SPECC1: variants seen among roughly 807,000 people sequenced by gnomAD.
SPECC1 encodes the protein cytospin-B.
In SPECC1, 62 loss-of-function variants were observed where a neutral mutation model predicts 104.1. The ratio of observed to expected loss-of-function variants is 0.60; its 90% confidence interval spans 0.49 to 0.74. SPECC1 has a LOEUF of 0.74. Among genes scored for constraint, SPECC1 ranks in the 30% least tolerant of loss-of-function variants. The probability of loss-of-function intolerance (pLI) is 0.00; values close to 1 mark genes in which losing one functional copy is unlikely to be tolerated. For synonymous variants in SPECC1, 513 were observed against 501.6 expected (o/e 1.02, Z -0.30); for missense variants, 1,306 against 1,310.5 (o/e 1.00, Z 0.05).
Position 20,205,819 on chromosome 17 carries a change from G to A in SPECC1, c.1770G>A (p.Glu590=), listed in dbSNP as rs1375002958. 6.2e-7 allele frequency: 1 copy of A among 1,614,090 alleles called. No individual in the cohort carries two copies. Among genetic ancestry groups the A allele is most frequent in the African/African-American group, 1.3e-5 (1 of 74,930 alleles). The stretch of plus-strand genomic sequence containing the variant: ...AAATGTTGAAAGTAGCCCGAGCAGA[G>A]AAAGATCTACTGGAACTGTCTTGCA... ...VQEMLKVARA[E]KDLLELSCNE... Residue 590 remains glutamate, a synonymous_variant, in exon 4 of 15, where the codon GAG becomes GAA. Transcript: ENST00000395527.
chr17:20,268,722 C>G (rs1270837143), intron 12 of SPECC1, among the ~76,000 whole-genome samples: 1 of 152,142 alleles, frequency 6.6e-6, no homozygotes, highest in Non-Finnish European at 1.5e-5. Context: ...AGGTGTTGTC[C>G]TACAACCTGT....
intron 13 of SPECC1, among the ~76,000 whole-genome samples, chr17:20,300,324 A>G (rs2041526025): frequency 6.6e-6 from 1 of 152,204 alleles, no homozygotes; most frequent in Non-Finnish European, 1.5e-5. Context: ...CACAGGTGTC[A>G]TCTATGCATT....
intron 4 of SPECC1, among the ~76,000 whole-genome samples, chr17:20,213,239 A>G (rs1241967127): frequency 6.6e-6 from 1 of 152,100 alleles, no homozygotes; most frequent in Admixed American, 6.5e-5. Context: ...CTGGAATTAC[A>G]GGTGTGCAAC....
At chr17:20,306,984 G>T (rs1434318214) in intron 14 of SPECC1, among the ~76,000 whole-genome samples, 2 of 151,862 alleles carry the variant, frequency 1.3e-5, no homozygotes, top group Non-Finnish European at 2.9e-5. Flanking sequence ...GAAACCACAA[G>T]GAAAGAATGA....
intron 12 of SPECC1, among the ~76,000 whole-genome samples, chr17:20,286,803 C>T (rs528988757): frequency 1.4e-4 from 21 of 152,306 alleles, no homozygotes; most frequent in African/African-American, 5.1e-4. Context: ...TCCTGGCTGC[C>T]CAGGGCTGGA....
intron 3 of SPECC1, among the ~76,000 whole-genome samples, chr17:20,176,238 T>A (rs969893841): frequency 1.3e-5 from 2 of 152,228 alleles, no homozygotes; most frequent in African/African-American, 4.8e-5. Flanking sequence ...TCAATGAATG[T>A]TAATAAATGT....
At chr17:20,131,946 C>G (rs1467834527) in intron 3 of SPECC1, among the ~76,000 whole-genome samples, 2 of 152,248 alleles carry the variant, frequency 1.3e-5, no homozygotes, top group East Asian at 3.8e-4. Context: ...GCCACTGCAT[C>G]CGGCCAAGCA....
chr17:20,040,743 G>C (rs2045291257), intron 1 of SPECC1, among the ~76,000 whole-genome samples: 1 of 152,128 alleles, frequency 6.6e-6, no homozygotes, highest in Non-Finnish European at 1.5e-5. Flanking sequence ...CTGCTTTCAA[G>C]ACGTTTTCTC....
At chr17:20,033,757 G>A (rs920879668) in intron 1 of SPECC1, among the ~76,000 whole-genome samples, 5 of 152,160 alleles carry the variant, frequency 3.3e-5, no homozygotes, top group Non-Finnish European at 5.9e-5. Flanking sequence ...CTTCCAATAA[G>A]GCCCCACCTC....
At chr17:20,062,897 A>G (rs912285117) in intron 1 of SPECC1, among the ~76,000 whole-genome samples, 1 of 152,104 alleles carries the variant, frequency 6.6e-6, no homozygotes, top group African/African-American at 2.4e-5. Context: ...CATGTTGGCC[A>G]GGCTGGTCTC....
At chr17:20,238,876 A>G (rs963381125) in intron 7 of SPECC1, 1 of 1,043,274 alleles carries the variant, frequency 9.6e-7, no homozygotes, top group African/African-American at 1.7e-5. Context: ...CAAAATAAAC[A>G]TGTTATTATA....
intron 1 of SPECC1, among the ~76,000 whole-genome samples, chr17:20,081,245 T>A (rs2046961970): frequency 6.6e-6 from 1 of 151,912 alleles, no homozygotes; most frequent in African/African-American, 2.4e-5. Flanking sequence ...AGGGGTGGTG[T>A]TTGGTTTTGT....
At chr17:20,178,660 G>T (rs368118189) in intron 3 of SPECC1, among the ~76,000 whole-genome samples, 6 of 152,166 alleles carry the variant, frequency 3.9e-5, no homozygotes, top group African/African-American at 1.4e-4. Flanking sequence ...TTTCTGGAAG[G>T]AGTGTCTTGT....
At chr17:20,052,810 G>A (rs1004367707) in intron 1 of SPECC1, among the ~76,000 whole-genome samples, 2 of 152,202 alleles carry the variant, frequency 1.3e-5, no homozygotes, top group Non-Finnish European at 1.5e-5. Flanking sequence ...ACAGCAGTCT[G>A]CATGTAGCAA....
At position 20,139,393 on chromosome 17, in the gene SPECC1, T is replaced by TG. The variant is rs1351157990; in HGVS notation, c.283+28831_283+28832insG. Among the ~76,000 whole-genome samples the TG allele has an allele frequency of 6.7e-3, 1,018 of 152,340 alleles. 10 individuals are homozygous for TG. Among genetic ancestry groups the TG allele is most frequent in the African/African-American group, 0.023 (961 of 41,570 alleles). ...CAATACATATTTAGTGTCTACTATG[T>TG]TCCAGGCATCTTTCTGGGTGCTAGG... On this transcript the variant is annotated intron_variant, in intron 3 of 14. Coordinates refer to ENST00000395527, the MANE Select transcript of SPECC1 (RefSeq NM_001243439.2).
chr17:20,085,028 G>T (rs895666213), intron 1 of SPECC1, among the ~76,000 whole-genome samples: 1 of 152,246 alleles, frequency 6.6e-6, no homozygotes, highest in Non-Finnish European at 1.5e-5. Context: ...AGACAGTAGA[G>T]GGTAAGTGAA....
At chr17:20,282,527 C>T (rs1361329209) in intron 12 of SPECC1, among the ~76,000 whole-genome samples, 1 of 152,176 alleles carries the variant, frequency 6.6e-6, no homozygotes, top group Admixed American at 6.5e-5. Flanking sequence ...TATTCTTGAA[C>T]TTAACAAAGT....
intron 1 of SPECC1, among the ~76,000 whole-genome samples, chr17:20,027,889 G>T (rs569741435): frequency 6.6e-6 from 1 of 152,012 alleles, no homozygotes; most frequent in Non-Finnish European, 1.5e-5. Flanking sequence ...TCTTGATGGT[G>T]TCCTTTCCAG....
At chr17:20,025,140 T>C (rs73980797) in intron 1 of SPECC1, among the ~76,000 whole-genome samples, 2,416 of 152,134 alleles carry the variant, frequency 0.016, 59 homozygotes, top group African/African-American at 0.055. Flanking sequence ...AATTTGGACA[T>C]GGGCACACAC....
Sources: gnomAD v4.1 joint callset for allele counts (sites outside exome capture counted in the v4.1 genomes callset) on GRCh38, gnomAD v4.1.1 for gene constraint, MANE v1.5 for transcripts, NCBI Gene and HGNC (gene_info 2026-07-23, HGNC 2026-07-21) for gene names.